Variants in MTR observed in about 807,000 individuals in gnomAD.
MTR encodes methionine synthase.
A neutral mutation model predicts 154.8 loss-of-function variants in MTR; 84 were observed. That is an observed-to-expected ratio of 0.54 (90% CI 0.45 to 0.65). The LOEUF is 0.65. Among genes scored for constraint, MTR ranks in the 30% least tolerant of loss-of-function variants. The probability of loss-of-function intolerance (pLI) is 0.00; values close to 1 mark genes in which losing one functional copy is unlikely to be tolerated. For synonymous variants in MTR, 554 were observed against 553.9 expected (o/e 1.00, Z 0.00); for missense variants, 1,275 against 1,570.2 (o/e 0.81, Z 3.18).
chr1:236,819,574 C>T (rs1043217528), intron 8 of MTR: 15 of 405,344 alleles, frequency 3.7e-5, no homozygotes, highest in African/African-American at 2.9e-4. Context: ...CCATGCTACT[C>T]ACAGAGGGGT....
chr1:236,848,301 A>G (rs1663706059), intron 15 of MTR, among the ~76,000 whole-genome samples: 2 of 152,090 alleles, frequency 1.3e-5, no homozygotes, highest in African/African-American at 4.8e-5. Context: ...GCTTGGCCAG[A>G]TAATATTCAT....
chr1:236,863,567 CTCACCTCTT>C lies in MTR; in HGVS notation c.2405+17_2405+25del. Reference sequence around the variant, plus strand: ...GCAATAATTTCCGGTAAGTTAGGACCTCACCTCTTTCAACCCCTTTTCCATTTAAAAATG... The same window carrying C: ...GCAATAATTTCCGGTAAGTTAGGACCTCAACCCCTTTTCCATTTAAAAATG... On this transcript the variant is annotated intron_variant, in intron 22 of 32. Transcript: ENST00000366577. 6.2e-7 allele frequency: 1 copy of C among 1,605,438 alleles called. No individual in the cohort carries two copies. The highest frequency in any genetic ancestry group is 1.1e-5 in the South Asian group (1 of 90,852).
intron 25 of MTR, among the ~76,000 whole-genome samples, 195 bp downstream of exon 25, chr1:236,881,031 C>A (rs1665704441): frequency 6.6e-6 from 1 of 152,266 alleles, no homozygotes; most frequent in African/African-American, 2.4e-5. Context: ...CCTATACTTT[C>A]AAAGACAATT....
intron 8 of MTR, among the ~76,000 whole-genome samples, chr1:236,822,445 G>A (rs1662022778): frequency 6.6e-6 from 1 of 151,664 alleles, no homozygotes; most frequent in South Asian, 2.1e-4. Context: ...AAGTAGCTGG[G>A]ACTACAGGTG....
At chr1:236,805,772 A>G (rs1449931394) in intron 2 of MTR, among the ~76,000 whole-genome samples, 2 of 152,126 alleles carry the variant, frequency 1.3e-5, no homozygotes, top group Non-Finnish European at 2.9e-5. Flanking sequence ...TGCTATGATT[A>G]CAAGCGTGAG....
At chr1:236,894,937 ATTC>A (rs1180672740) in intron 30 of MTR, 2 of 350,754 alleles carry the variant, frequency 5.7e-6, no homozygotes, top group Non-Finnish European at 1.1e-5. Flanking sequence ...TCATCTATAG[ATTC>A]TTCATCTTCC....
At chr1:236,896,186 G>T (rs577075411) in intron 31 of MTR, among the ~76,000 whole-genome samples, 12 of 152,324 alleles carry the variant, frequency 7.9e-5, no homozygotes, top group Non-Finnish European at 5.9e-5. Context: ...TCGTGGTTCT[G>T]TGGCTGCACA....
chr1:236,871,903 A>G (rs1363869055), intron 22 of MTR, among the ~76,000 whole-genome samples: 4 of 152,138 alleles, frequency 2.6e-5, no homozygotes, highest in Non-Finnish European at 4.4e-5. Context: ...ATGAAAGGGC[A>G]TATAGTGAGA....
At chr1:236,862,587 A>G (rs1047579361) in intron 21 of MTR, among the ~76,000 whole-genome samples, 1 of 152,232 alleles carries the variant, frequency 6.6e-6, no homozygotes, top group Non-Finnish European at 1.5e-5. Context: ...TGTTTTCAAG[A>G]CAAAGCCAGT....
chr1:236,796,409 C>T (rs138592249), intron 1 of MTR, among the ~76,000 whole-genome samples: 3 of 152,284 alleles, frequency 2.0e-5, no homozygotes, highest in East Asian at 1.9e-4. Context: ...AGCTCTAGAT[C>T]TCTAAGGTCA....
intron 11 of MTR, among the ~76,000 whole-genome samples, chr1:236,828,488 T>C (rs903234821): frequency 6.6e-6 from 1 of 152,216 alleles, no homozygotes; most frequent in Non-Finnish European, 1.5e-5. Context: ...ACATTCACAT[T>C]CTAATTTGGG....
chr1:236,813,558 T>C (rs549143709), intron 6 of MTR, among the ~76,000 whole-genome samples: 9 of 152,212 alleles, frequency 5.9e-5, no homozygotes, highest in Non-Finnish European at 1.2e-4. Context: ...ATTAAACTGT[T>C]TGACCTTTTC....
chr1:236,850,385 C>CT lies in MTR; in HGVS notation c.1558dup (p.Tyr520LeufsTer11). ...CAAAAATCAGAGTGTGCACCCGGGC[C>CT]TACCATCTGCTTGTGAAAAAACTGG... is the stretch of plus-strand genomic sequence containing the variant. On this transcript the variant is annotated frameshift_variant, in exon 16 of 33. Transcript: ENST00000366577. LOFTEE classifies it high-confidence loss of function. The CT allele has an allele frequency of 6.2e-7, 1 of 1,613,748 alleles. No individual in the cohort carries two copies. The highest frequency in any genetic ancestry group is 8.5e-7 in the Non-Finnish European group (1 of 1,179,904).
chr1:236,891,169 A>G lies in MTR; in HGVS notation c.3044A>G (p.Asn1015Ser), dbSNP rs745715524. ...AGGAAGGTCTACGATGATGCCCACA[A>G]TATGCTGAACACACTGATTAGTCAA... is the stretch of plus-strand genomic sequence containing the variant. Reference protein sequence around the residue: ...EARKVYDDAHNMLNTLISQKK... With the variant: ...EARKVYDDAHSMLNTLISQKK... The change falls in exon 29 of 33, where the codon AAT (asparagine) becomes AGT (serine). Residue 1015 changes from asparagine (N) to serine (S), a missense_variant. Transcript: ENST00000366577. The G allele has an allele frequency of 2.5e-6, 4 of 1,614,138 alleles. No individual in the cohort carries two copies.
chr1:236,823,383 T>C (rs1558287767), intron 8 of MTR, among the ~76,000 whole-genome samples: 1 of 152,218 alleles, frequency 6.6e-6, no homozygotes, highest in Non-Finnish European at 1.5e-5. Context: ...TATTTTGAAG[T>C]ATTTTGGATT....
chr1:236,850,294 T>C, intron 15 of MTR, 50 bp from the exon 16 acceptor site: 1 of 1,285,254 alleles, frequency 7.8e-7, no homozygotes, highest in Non-Finnish European at 1.1e-6. Flanking sequence ...ATTAATATTT[T>C]AATAGATAAT....
chr1:236,847,502 C>T (rs1663651720), intron 15 of MTR, among the ~76,000 whole-genome samples: 1 of 152,200 alleles, frequency 6.6e-6, no homozygotes, highest in Non-Finnish European at 1.5e-5. Context: ...ACTCACTGGT[C>T]ACAGTCTAGC....
At chr1:236,811,317 A>G (rs1312655087) in intron 5 of MTR, among the ~76,000 whole-genome samples, 2 of 152,342 alleles carry the variant, frequency 1.3e-5, no homozygotes, top group East Asian at 3.9e-4. Context: ...TTGGGTGGGG[A>G]CACAGCCAAA....
intron 13 of MTR, among the ~76,000 whole-genome samples, chr1:236,833,405 A>C (rs1662726553): frequency 6.6e-6 from 1 of 152,152 alleles, no homozygotes; most frequent in Non-Finnish European, 1.5e-5. Flanking sequence ...TTATGTCATT[A>C]CTCATTTAAT....
Sources: gnomAD v4.1 joint callset for allele counts (sites outside exome capture counted in the v4.1 genomes callset) on GRCh38, gnomAD v4.1.1 for gene constraint, MANE v1.5 for transcripts, NCBI Gene and HGNC (gene_info 2026-07-23, HGNC 2026-07-21) for gene names.